Variants in PRMT8 observed in about 807,000 individuals in gnomAD.
PRMT8 encodes the protein protein arginine N-methyltransferase 8.
A neutral mutation model predicts 47.1 loss-of-function variants in PRMT8; 7 were observed. The observed-to-expected ratio is 0.15, with a 90% confidence interval of 0.08 to 0.28. PRMT8 has a LOEUF of 0.28. PRMT8 is among the 10% of genes least tolerant of loss of function. PRMT8 has a pLI of 1.00. For missense variants in PRMT8, 237 were observed against 505.4 expected, an observed-to-expected ratio of 0.47 and a Z score of 5.09; for synonymous variants, 188 against 186.5, an observed-to-expected ratio of 1.01 and a Z score of -0.07.
intron 1 of PRMT8, among the ~76,000 whole-genome samples, chr12:3,400,506 G>C (rs568720701): frequency 6.6e-6 from 1 of 152,260 alleles, no homozygotes; most frequent in East Asian, 1.9e-4. Flanking sequence ...CTAAAATTGA[G>C]GCAGTAATAA....
At chr12:3,526,847 T>C (rs904661330) in intron 1 of PRMT8, among the ~76,000 whole-genome samples, 11 of 152,210 alleles carry the variant, frequency 7.2e-5, no homozygotes, top group African/African-American at 2.7e-4. Flanking sequence ...ATATCTTTTG[T>C]CATCTTTTTA....
chr12:3,421,592 T>C lies in PRMT8; in HGVS notation c.48+40150T>C, dbSNP rs377078424. 3.9e-5 allele frequency among the ~76,000 whole-genome samples: 6 copies of C among 152,188 alleles called. No individual in the cohort carries two copies. In the East Asian group the frequency reaches 7.7e-4, roughly 20 times the overall value. On this transcript the variant is annotated intron_variant, in intron 1 of 9. Transcript: ENST00000452611. ...ATCCCATTACCCAAATGCTGTTGTT[T>C]TGGCCACTTTGGAAAACTTTGAGAC... is the stretch of plus-strand genomic sequence containing the variant.
intron 4 of PRMT8, among the ~76,000 whole-genome samples, chr12:3,567,554 C>T (rs1866743019): frequency 6.6e-6 from 1 of 152,182 alleles, no homozygotes. Flanking sequence ...GTTTTAGAGT[C>T]ATGTCATATC....
At position 3,538,120 on chromosome 12, in the gene PRMT8, C is replaced by G. The variant is rs2137161394; in HGVS notation, c.76-2486C>G. ...CCCGCCTTTTGGTTGCTCAAGCCGT[C>G]TCTTCCTCCACCTGCCAAAATCCGT... On this transcript the variant is annotated intron_variant, in intron 1 of 9. Coordinates refer to ENST00000382622, the MANE Select transcript of PRMT8 (RefSeq NM_019854.5). This position sits in a 1 kb window ranked among gnomAD's most constrained non-coding sequence, Gnocchi z 4.6. 6.5e-6 allele frequency: 1 copy of G among 152,726 alleles called. No individual in the cohort carries two copies. Among genetic ancestry groups the G allele is most frequent in the South Asian group, 2.1e-4 (1 of 4,838 alleles). The allele number at this position is 152,726 out of a possible 1,614,324, so 9.5% of individuals were successfully genotyped here.
chr12:3,561,218 T>A (rs573847443), intron 4 of PRMT8, among the ~76,000 whole-genome samples: 237 of 152,216 alleles, frequency 1.6e-3, no homozygotes, highest in Non-Finnish European at 2.1e-3. Flanking sequence ...GTGCTAAGAA[T>A]TAAACACAGC....
intron 1 of PRMT8, among the ~76,000 whole-genome samples, chr12:3,437,083 T>C (rs1282693625): frequency 6.6e-6 from 1 of 152,180 alleles, no homozygotes; most frequent in East Asian, 1.9e-4. Context: ...GGCCACCCCT[T>C]ACCCCTTCAA....
intron 1 of PRMT8, among the ~76,000 whole-genome samples, chr12:3,471,918 G>C (rs76108556): frequency 6.6e-6 from 1 of 152,006 alleles, no homozygotes; most frequent in Non-Finnish European, 1.5e-5. Flanking sequence ...GTAAGGTAGC[G>C]GGGTGAGGGT....
chr12:3,407,692 T>A (rs7969517), intron 1 of PRMT8, among the ~76,000 whole-genome samples: 37,733 of 152,064 alleles, frequency 0.25, 4,889 homozygotes, highest in African/African-American at 0.29. Context: ...CAGCAATTAC[T>A]CCATTAAATA....
chr12:3,558,691 G>C (rs745496460), intron 4 of PRMT8, among the ~76,000 whole-genome samples: 1 of 152,176 alleles, frequency 6.6e-6, no homozygotes, highest in African/African-American at 2.4e-5. Flanking sequence ...ATTGTGCGCT[G>C]GTTCCTCGTG....
chr12:3,590,624 C>A (rs1867277034), intron 8 of PRMT8, among the ~76,000 whole-genome samples: 1 of 141,760 alleles, frequency 7.1e-6, no homozygotes, highest in South Asian at 2.2e-4. Context: ...CATCTTTATC[C>A]TTAGTCCTAA....
At position 3,572,850 on chromosome 12, in the gene PRMT8, C is replaced by T. The variant is rs1003010361; in HGVS notation, c.712+3286C>T. ...GGTGAGGGAGGATGTAGCTACAGCT[C>T]TCTGCAATCAGAAATCACATTTCTC... On this transcript the variant is annotated intron_variant, in intron 6 of 9. Transcript: ENST00000382622. This position sits in a 1 kb window ranked among gnomAD's most constrained non-coding sequence, Gnocchi z 5.9. Among the ~76,000 whole-genome samples the T allele has an allele frequency of 3.3e-5, 5 of 152,192 alleles. No individual in the cohort carries two copies. Among genetic ancestry groups the T allele is most frequent in the Non-Finnish European group, 7.3e-5 (5 of 68,048 alleles).
intron 8 of PRMT8, among the ~76,000 whole-genome samples, chr12:3,589,803 G>A (rs1867260242): frequency 2.0e-5 from 3 of 152,330 alleles, no homozygotes; most frequent in African/African-American, 7.2e-5. Flanking sequence ...CCCCATGGCT[G>A]ACAAATCTGG....
chr12:3,392,306 A>C (rs2137046125), intron 1 of PRMT8, among the ~76,000 whole-genome samples: 1 of 151,592 alleles, frequency 6.6e-6, no homozygotes, highest in South Asian at 2.1e-4. Flanking sequence ...GGTGTGCTGC[A>C]CCCGCTAACT....
At position 3,564,211 on chromosome 12, in the gene PRMT8, G is replaced by C. The variant is rs1866682120; in HGVS notation, c.482-4495G>C. On this transcript the variant is annotated intron_variant, in intron 4 of 9. Coordinates refer to ENST00000382622, the MANE Select transcript of PRMT8 (RefSeq NM_019854.5). This position sits in a 1 kb window ranked among gnomAD's most constrained non-coding sequence, Gnocchi z 4.0. ...GCAGTGGGGTTGGCAGGGGGGTCAGGGGGCTTCATAGGCTCATAATATGTT... is the reference window on the plus strand; with the variant it reads ...GCAGTGGGGTTGGCAGGGGGGTCAGCGGGCTTCATAGGCTCATAATATGTT... Among the ~76,000 whole-genome samples the C allele has an allele frequency of 6.6e-6, 1 of 152,118 alleles. No homozygotes were observed. The highest frequency in any genetic ancestry group is 1.5e-5 in the Non-Finnish European group (1 of 68,024).
At position 3,540,613 on chromosome 12, in the gene PRMT8, G is replaced by GTCCCCCCCCCCCCCCCCC; in HGVS notation, c.83_84insTCCCCCCCCCCCCCCCCC (p.Pro30_Ser31insProProProProProPro). On this transcript the variant is annotated inframe_insertion, in exon 2 of 10. Transcript: ENST00000382622. ...CCCTTCTCTTCCCCTCAGGTGAACA[G>GTCCCCCCCCCCCCCCCCC]CCCCCCCTCCCAGCCCCCCCAGCCC... The GTCCCCCCCCCCCCCCCCC allele has an allele frequency of 8.8e-7, 1 of 1,130,522 alleles. No homozygotes were observed. The highest frequency in any genetic ancestry group is 2.4e-5 in the East Asian group (1 of 42,438). The allele number at this position is 1,130,522 out of a possible 1,614,324, so 70.0% of individuals were successfully genotyped here.
chr12:3,514,311 G>A lies in PRMT8; in HGVS notation c.75+22611G>A, dbSNP rs1409099885. On this transcript the variant is annotated intron_variant, in intron 1 of 9. Coordinates refer to ENST00000382622, the MANE Select transcript of PRMT8 (RefSeq NM_019854.5). This position sits in a 1 kb window ranked among gnomAD's most constrained non-coding sequence, Gnocchi z 5.9. Reference sequence around the variant, plus strand: ...GAGGTTGGTATCCGGTTGGCTCAGTGTCAGAGCCCTGGCTGGGCTGGCACC... The same window carrying A: ...GAGGTTGGTATCCGGTTGGCTCAGTATCAGAGCCCTGGCTGGGCTGGCACC... Among the ~76,000 whole-genome samples, 1 of 151,656 alleles carries A rather than the reference G, an allele frequency of 6.6e-6. No individual in the cohort carries two copies. The highest frequency in any genetic ancestry group is 1.5e-5 in the Non-Finnish European group (1 of 67,972).
At chr12:3,543,485 A>G (rs1866269349) in intron 2 of PRMT8, among the ~76,000 whole-genome samples, 1 of 152,188 alleles carries the variant, frequency 6.6e-6, no homozygotes, top group South Asian at 2.1e-4. Context: ...GCCATTTGGC[A>G]GTCTTCTCCC....
intron 1 of PRMT8, among the ~76,000 whole-genome samples, chr12:3,420,430 C>T (rs1864529179): frequency 6.6e-6 from 1 of 152,208 alleles, no homozygotes; most frequent in Admixed American, 6.5e-5. Flanking sequence ...GAACCCCCTT[C>T]CATATTGGGG....
intron 1 of PRMT8, among the ~76,000 whole-genome samples, chr12:3,424,427 G>T (rs989665062): frequency 6.6e-6 from 1 of 152,090 alleles, no homozygotes; most frequent in Non-Finnish European, 1.5e-5. Flanking sequence ...GTCCTAATTC[G>T]TGACAAATGT....
Sources: allele counts gnomAD v4.1 joint callset (sites outside exome capture counted in the v4.1 genomes callset), GRCh38; gene constraint gnomAD v4.1.1; non-coding constraint Gnocchi (gnomAD v3.1); transcripts MANE v1.5; gene names NCBI Gene and HGNC (gene_info 2026-07-23, HGNC 2026-07-21).